DPP10: variants seen among roughly 807,000 people sequenced by gnomAD.
DPP10 encodes the protein inactive dipeptidyl peptidase 10.
Under a neutral mutation model 120.9 loss-of-function variants are expected in DPP10, and 33 were observed. The observed-to-expected ratio is 0.27, with a 90% CI of 0.21 to 0.37. The LOEUF (loss-of-function observed/expected upper bound fraction) is 0.37. Ranked by LOEUF, DPP10 falls within the 10% of genes least tolerant of loss-of-function variation. The pLI is 1.00. For synonymous variants in DPP10, 337 were observed against 326.1 expected (o/e 1.03, Z -0.36); for missense variants, 816 against 942.8 (o/e 0.87, Z 1.76).
intron 1 of DPP10, among the ~76,000 whole-genome samples, chr2:114,534,750 G>A (rs775108309): frequency 6.6e-6 from 1 of 151,714 alleles, no homozygotes; most frequent in African/African-American, 2.4e-5. Flanking sequence ...TTATGGTGCA[G>A]CAAACATCTT....
intron 24 of DPP10, 119 bp downstream of exon 24, chr2:115,836,865 C>T: frequency 2.5e-6 from 2 of 811,164 alleles, no homozygotes; most frequent in Admixed American, 2.6e-5. Context: ...CAGAGAGTCA[C>T]ACAAAGAATC....
intron 13 of DPP10, among the ~76,000 whole-genome samples, chr2:115,773,217 A>G (rs1681688161): frequency 1.3e-5 from 2 of 152,186 alleles, no homozygotes; most frequent in Admixed American, 1.3e-4. Flanking sequence ...CCTTATTTAG[A>G]AACTATAAAA....
intron 1 of DPP10, among the ~76,000 whole-genome samples, chr2:114,949,535 G>T (rs1697619423): frequency 6.6e-6 from 1 of 152,160 alleles, no homozygotes; most frequent in Admixed American, 6.5e-5. Context: ...AGATTGTTTG[G>T]CTTCATCCTC....
intron 1 of DPP10, among the ~76,000 whole-genome samples, chr2:114,839,657 T>G (rs1688004156): frequency 6.6e-6 from 1 of 152,218 alleles, no homozygotes; most frequent in African/African-American, 2.4e-5. Flanking sequence ...GCTGTCATTC[T>G]ATGATTTTGT....
rs1694573550 is a variant in DPP10 at position 114,913,860 on chromosome 2, A to C, written c.61-395379A>C. 2.0e-5 allele frequency among the ~76,000 whole-genome samples: 3 copies of C among 152,176 alleles called. No individual in the cohort carries two copies. In the South Asian group the frequency reaches 6.2e-4, roughly 31 times the overall value. ...AAGCAACACAAGAGCTGAACGATGA[A>C]ATAGCCATTTTAAGAAAGAACTGAA... On this transcript the variant is annotated intron_variant, in intron 1 of 25. Transcript: ENST00000410059.
At chr2:115,578,386 C>G (rs917917696) in intron 5 of DPP10, among the ~76,000 whole-genome samples, 1 of 151,964 alleles carries the variant, frequency 6.6e-6, no homozygotes. Flanking sequence ...ACACACACAA[C>G]CCCCCACCCC....
intron 1 of DPP10, among the ~76,000 whole-genome samples, chr2:114,604,091 A>G (rs1456712580): frequency 2.0e-5 from 3 of 152,056 alleles, no homozygotes; most frequent in Non-Finnish European, 4.4e-5. Flanking sequence ...AATGCCTTCC[A>G]AGGAGTCTAA....
chr2:115,096,581 T>G (rs2048406357), intron 1 of DPP10, among the ~76,000 whole-genome samples: 1 of 152,074 alleles, frequency 6.6e-6, no homozygotes, highest in African/African-American at 2.4e-5. Context: ...ACACAGATGC[T>G]CCTCAATTTT....
At chr2:115,021,548 G>A (rs1703074398) in intron 1 of DPP10, among the ~76,000 whole-genome samples, 1 of 151,930 alleles carries the variant, frequency 6.6e-6, no homozygotes, top group South Asian at 2.1e-4. Flanking sequence ...AACTGTATGT[G>A]ACCAGATGGA....
intron 1 of DPP10, among the ~76,000 whole-genome samples, chr2:115,010,372 A>G (rs1702174658): frequency 6.6e-6 from 1 of 152,204 alleles, no homozygotes; most frequent in African/African-American, 2.4e-5. Flanking sequence ...TAAATCACAG[A>G]TAAAATTTGA....
chr2:115,254,670 C>T (rs994543867), intron 1 of DPP10, among the ~76,000 whole-genome samples: 1 of 152,170 alleles, frequency 6.6e-6, no homozygotes, highest in Non-Finnish European at 1.5e-5. Flanking sequence ...GGAGTGCAGA[C>T]ATTGGGTAAA....
At position 115,332,988 on chromosome 2, in the gene DPP10, C is replaced by CT. The variant is rs1365200267; in HGVS notation, c.176-10828dup. On this transcript the variant is annotated intron_variant, in intron 2 of 25. Transcript: ENST00000410059. Reference sequence around the variant, plus strand: ...ATTCCTGGATGTCCTTTTTAACTTTCTGTCTCGTTGATCTGCCTAATGTTG... The same window carrying CT: ...ATTCCTGGATGTCCTTTTTAACTTTCTTGTCTCGTTGATCTGCCTAATGTTG... 2.6e-5 allele frequency among the ~76,000 whole-genome samples: 4 copies of CT among 152,200 alleles called. No individual in the cohort carries two copies. In the East Asian group the frequency reaches 7.7e-4, roughly 29 times the overall value.
At chr2:115,798,504 A>G (rs1427367258) in intron 19 of DPP10, among the ~76,000 whole-genome samples, 2 of 152,128 alleles carry the variant, frequency 1.3e-5, no homozygotes, top group Non-Finnish European at 2.9e-5. Flanking sequence ...ATATAAAAAC[A>G]GTACATTATG....
At chr2:114,651,224 T>C (rs1052495971) in intron 1 of DPP10, among the ~76,000 whole-genome samples, 2 of 152,210 alleles carry the variant, frequency 1.3e-5, no homozygotes, top group Non-Finnish European at 2.9e-5. Flanking sequence ...AGTCACATTT[T>C]GACTAGAATT....
chr2:115,691,680 G>T (rs923600829), intron 7 of DPP10, among the ~76,000 whole-genome samples: 1 of 152,044 alleles, frequency 6.6e-6, no homozygotes, highest in African/African-American at 2.4e-5. Context: ...TCATATGAAT[G>T]TCACAATTGT....
chr2:115,631,324 C>T (rs1044967821), intron 5 of DPP10, among the ~76,000 whole-genome samples: 34 of 151,650 alleles, frequency 2.2e-4, no homozygotes, highest in African/African-American at 8.0e-4. Context: ...CTTTATTAGT[C>T]CAGCTAGTGG....
At chr2:115,040,233 A>G (rs749971799) in intron 1 of DPP10, among the ~76,000 whole-genome samples, 3 of 151,890 alleles carry the variant, frequency 2.0e-5, no homozygotes, top group Non-Finnish European at 2.9e-5. Context: ...AAACCATATC[A>G]CCAGGTGATC....
intron 1 of DPP10, among the ~76,000 whole-genome samples, chr2:114,683,776 C>T (rs1311829541): frequency 6.6e-6 from 1 of 151,838 alleles, no homozygotes; most frequent in African/African-American, 2.4e-5. Flanking sequence ...TTTCTTTCCC[C>T]TGCCATCCTA....
At chr2:114,982,406 A>G (rs1418013079) in intron 1 of DPP10, among the ~76,000 whole-genome samples, 1 of 152,148 alleles carries the variant, frequency 6.6e-6, no homozygotes, top group African/African-American at 2.4e-5. Context: ...GATAAAAAAA[A>G]CAGAGCCAGT....
Sources: gnomAD v4.1 joint callset for allele counts (sites outside exome capture counted in the v4.1 genomes callset) on GRCh38, gnomAD v4.1.1 for gene constraint, MANE v1.5 for transcripts, NCBI Gene and HGNC (gene_info 2026-07-23, HGNC 2026-07-21) for gene names.